The following L3MBTL4 variants were observed in gnomAD, a reference collection of about 807,000 sequenced individuals.
L3MBTL4 encodes L3MBTL histone methyl-lysine binding protein 4.
L3MBTL4 carries 70 observed loss-of-function variants against 84.5 expected under a neutral mutation model. The observed-to-expected ratio is 0.83, with a 90% CI of 0.68 to 1.01. L3MBTL4 has a LOEUF of 1.01. Ranked by LOEUF, L3MBTL4 falls within the 50% of genes least tolerant of loss-of-function variation. The pLI, the probability that L3MBTL4 is intolerant of heterozygous loss-of-function variation, is 0.00. For synonymous variants in L3MBTL4, 274 were observed against 259.8 expected, an observed-to-expected ratio of 1.05 and a Z score of -0.52; for missense variants, 715 against 754.8, an observed-to-expected ratio of 0.95 and a Z score of 0.62.
chr18:6,057,260 C>G (rs1242547226), intron 16 of L3MBTL4, among the ~76,000 whole-genome samples: 2 of 152,134 alleles, frequency 1.3e-5, no homozygotes, highest in Non-Finnish European at 2.9e-5. Context: ...AACTCCTGAC[C>G]TAAGGTGATC....
chr18:6,033,905 T>C lies in L3MBTL4; in HGVS notation c.1444+46976A>G, dbSNP rs75930023. On this transcript the variant is annotated intron_variant, in intron 16 of 18. Coordinates refer to ENST00000317931, the MANE Select transcript of L3MBTL4 (RefSeq NM_001330559.2). The stretch of plus-strand genomic sequence containing the variant: ...CTAATTATTTTAAATGCATAGTCTG[T>C]TAAGTTGTGAAAAAATATGGAGTTA... Among the ~76,000 whole-genome samples the C allele has an allele frequency of 3.6e-3, 543 of 152,332 alleles. 6 individuals carry two copies. The highest frequency in any genetic ancestry group is 0.012 in the African/African-American group (514 of 41,568).
At chr18:6,366,345 G>A (rs979448561) in intron 1 of L3MBTL4, among the ~76,000 whole-genome samples, 1 of 152,128 alleles carries the variant, frequency 6.6e-6, no homozygotes, top group Non-Finnish European at 1.5e-5. Context: ...ACAGACAAAC[G>A]CTCATGTCAG....
At chr18:6,062,304 C>G (rs1216438008) in intron 16 of L3MBTL4, among the ~76,000 whole-genome samples, 2 of 152,002 alleles carry the variant, frequency 1.3e-5, no homozygotes, top group African/African-American at 4.8e-5. Flanking sequence ...GCTCTACTCT[C>G]TTCTGGCTCA....
intron 5 of L3MBTL4, among the ~76,000 whole-genome samples, chr18:6,245,894 G>A (rs2047642883): frequency 6.6e-6 from 1 of 152,102 alleles, no homozygotes; most frequent in Non-Finnish European, 1.5e-5. Context: ...CCTGTCCCTA[G>A]TATTTTTTAA....
At chr18:6,260,823 A>T (rs2048366729) in intron 5 of L3MBTL4, 1 of 152,264 alleles carries the variant, frequency 6.6e-6, no homozygotes, top group South Asian at 2.1e-4. Flanking sequence ...GAACATTAAT[A>T]GTCAAAAACA....
intron 4 of L3MBTL4, among the ~76,000 whole-genome samples, chr18:6,290,714 G>A (rs907195448): frequency 2.6e-5 from 4 of 151,868 alleles, no homozygotes; most frequent in African/African-American, 9.7e-5. Context: ...TTTTAGTAGA[G>A]ACAGGGTTTC....
At chr18:6,405,102 G>A (rs931279594) in intron 1 of L3MBTL4, among the ~76,000 whole-genome samples, 1 of 152,190 alleles carries the variant, frequency 6.6e-6, no homozygotes, top group Non-Finnish European at 1.5e-5. Context: ...ACATGTTTTG[G>A]TGAATTTATG....
chr18:6,261,457 C>T (rs2048395332), intron 5 of L3MBTL4, among the ~76,000 whole-genome samples: 1 of 152,186 alleles, frequency 6.6e-6, no homozygotes, highest in East Asian at 1.9e-4. Flanking sequence ...TGCTCACCAC[C>T]CGCCTCCTTC....
intron 16 of L3MBTL4, among the ~76,000 whole-genome samples, chr18:5,991,172 TC>T (rs2053680740): frequency 6.6e-6 from 1 of 152,144 alleles, no homozygotes; most frequent in African/African-American, 2.4e-5. Flanking sequence ...ATGCTGACCC[TC>T]AAATATAATT....
chr18:6,068,356 C>CAG (rs1479166344), intron 16 of L3MBTL4, among the ~76,000 whole-genome samples: 3 of 152,078 alleles, frequency 2.0e-5, no homozygotes, highest in Non-Finnish European at 2.9e-5. Context: ...TAATGGTGGG[C>CAG]AGAGGTCCCA....
intron 14 of L3MBTL4, among the ~76,000 whole-genome samples, chr18:6,125,300 T>C (rs575050426): frequency 3.3e-5 from 5 of 152,330 alleles, no homozygotes; most frequent in Non-Finnish European, 7.4e-5. Flanking sequence ...AATTGGCATA[T>C]GTACAAGTTA....
At chr18:6,139,631 C>A (rs1023106501) in intron 13 of L3MBTL4, among the ~76,000 whole-genome samples, 2 of 152,098 alleles carry the variant, frequency 1.3e-5, no homozygotes, top group African/African-American at 4.8e-5. Context: ...TCCTTCTCCC[C>A]TCCCAGCTCT....
chr18:6,066,125 C>G (rs2057391064), intron 16 of L3MBTL4, among the ~76,000 whole-genome samples: 1 of 152,062 alleles, frequency 6.6e-6, no homozygotes, highest in Non-Finnish European at 1.5e-5. Context: ...AAAAATTATT[C>G]AAGAGCAAAT....
chr18:6,011,647 C>T (rs1178542441), intron 16 of L3MBTL4, among the ~76,000 whole-genome samples: 1 of 152,192 alleles, frequency 6.6e-6, no homozygotes, highest in Non-Finnish European at 1.5e-5. Flanking sequence ...GTGAAGGCAG[C>T]GACATATCAT....
intron 1 of L3MBTL4, among the ~76,000 whole-genome samples, chr18:6,355,755 T>A (rs938276161): frequency 6.6e-6 from 1 of 152,178 alleles, no homozygotes; most frequent in Non-Finnish European, 1.5e-5. Context: ...ACTTACATGA[T>A]TTACGAGTAA....
intron 16 of L3MBTL4, chr18:6,031,440 G>A: frequency 1.1e-4 from 111 of 985,400 alleles, no homozygotes; most frequent in Non-Finnish European, 1.3e-4. Flanking sequence ...GTTGCGAGGT[G>A]GGACCATTCT....
intron 12 of L3MBTL4, among the ~76,000 whole-genome samples, chr18:6,212,033 G>T (rs1474546012): frequency 6.6e-6 from 1 of 152,184 alleles, no homozygotes; most frequent in Non-Finnish European, 1.5e-5. Context: ...CATTGAAAAT[G>T]CCATAAGAGT....
intron 16 of L3MBTL4, among the ~76,000 whole-genome samples, chr18:6,045,515 G>A (rs183102969): frequency 3.7e-4 from 57 of 152,164 alleles, no homozygotes; most frequent in African/African-American, 1.2e-3. Flanking sequence ...GGAAGGCAAG[G>A]AGGAGCAAGT....
intron 1 of L3MBTL4, among the ~76,000 whole-genome samples, chr18:6,336,106 A>G (rs1177453742): frequency 6.6e-6 from 1 of 152,196 alleles, no homozygotes; most frequent in Non-Finnish European, 1.5e-5. Context: ...CTTTGAGGGT[A>G]TCTAAGTAGG....
Sources: allele counts gnomAD v4.1 joint callset (sites outside exome capture counted in the v4.1 genomes callset), GRCh38; gene constraint gnomAD v4.1.1; transcripts MANE v1.5; gene names NCBI Gene and HGNC (gene_info 2026-07-23, HGNC 2026-07-21).